The following NIBAN1 variants were observed in gnomAD, a reference collection of about 807,000 sequenced individuals.
The protein encoded by NIBAN1 is niban apoptosis regulator 1, also known as protein Niban 1.
In NIBAN1, 81 loss-of-function variants were observed where a neutral mutation model predicts 75.1. The ratio of observed to expected loss-of-function variants is 1.08; its 90% confidence interval spans 0.90 to 1.30. The LOEUF (loss-of-function observed/expected upper bound fraction) is 1.30, where lower values mean the gene tolerates loss of function less well. Ranked by LOEUF, NIBAN1 falls within the 50% of genes most tolerant of loss-of-function variation. The probability of loss-of-function intolerance (pLI) is 0.00; values close to 1 mark genes in which losing one functional copy is unlikely to be tolerated. For synonymous variants in NIBAN1, 436 were observed against 424.8 expected, an observed-to-expected ratio of 1.03 and a Z score of -0.32; for missense variants, 1,133 against 1,128.1, an observed-to-expected ratio of 1.00 and a Z score of -0.06.
chr1:184,843,210 G>A (rs2102254188), intron 5 of NIBAN1, among the ~76,000 whole-genome samples: 1 of 152,328 alleles, frequency 6.6e-6, no homozygotes, highest in East Asian at 1.9e-4. Context: ...CCCTTCGGAA[G>A]CAGTCATCAT....
chr1:184,897,429 C>A (rs750291655), intron 2 of NIBAN1, among the ~76,000 whole-genome samples: 1 of 151,994 alleles, frequency 6.6e-6, no homozygotes, highest in South Asian at 2.1e-4. Context: ...ACTCCATAGA[C>A]CGTTTCTTCT....
chr1:184,917,702 G>T (rs1557913805), intron 1 of NIBAN1, among the ~76,000 whole-genome samples: 1 of 151,098 alleles, frequency 6.6e-6, no homozygotes, highest in Non-Finnish European at 1.5e-5. Flanking sequence ...TCAAAAGGAA[G>T]ACCCCCCCAA....
At chr1:184,928,932 G>A (rs1404598726) in intron 1 of NIBAN1, among the ~76,000 whole-genome samples, 3 of 152,004 alleles carry the variant, frequency 2.0e-5, no homozygotes, top group South Asian at 4.1e-4. Flanking sequence ...TCATTTTCAC[G>A]TGATGCACAC....
At chr1:184,867,319 C>T (rs954436884) in intron 5 of NIBAN1, among the ~76,000 whole-genome samples, 7 of 152,162 alleles carry the variant, frequency 4.6e-5, no homozygotes, top group Non-Finnish European at 1.0e-4. Context: ...AAATATCTCC[C>T]TCTGTGCATG....
intron 5 of NIBAN1, among the ~76,000 whole-genome samples, chr1:184,864,790 C>A (rs1315646479): frequency 6.6e-6 from 1 of 150,932 alleles, no homozygotes; most frequent in African/African-American, 2.4e-5. Flanking sequence ...CATGAATAGA[C>A]AATTCTCAGA....
At chr1:184,809,918 A>G (rs1474386459) in intron 9 of NIBAN1, among the ~76,000 whole-genome samples, 4 of 152,120 alleles carry the variant, frequency 2.6e-5, no homozygotes, top group African/African-American at 9.7e-5. Flanking sequence ...TTTTTCTTAA[A>G]GCAGACAATC....
intron 6 of NIBAN1, among the ~76,000 whole-genome samples, chr1:184,828,424 A>G (rs1654904488): frequency 6.6e-6 from 1 of 152,118 alleles, no homozygotes; most frequent in African/African-American, 2.4e-5. Flanking sequence ...AAAAGATGTC[A>G]TTTTCTCAAA....
chr1:184,833,857 T>C (rs1271884403), intron 5 of NIBAN1, among the ~76,000 whole-genome samples: 1 of 136,676 alleles, frequency 7.3e-6, no homozygotes, highest in Admixed American at 7.1e-5. Flanking sequence ...AAATTTTTTC[T>C]TTTTTTTTTT....
At chr1:184,858,814 T>C (rs1454916625) in intron 5 of NIBAN1, among the ~76,000 whole-genome samples, 1 of 152,170 alleles carries the variant, frequency 6.6e-6, no homozygotes, top group Non-Finnish European at 1.5e-5. Context: ...TTGAATCATG[T>C]AGGGTGCAAA....
intron 10 of NIBAN1, among the ~76,000 whole-genome samples, chr1:184,806,957 A>T (rs1654216390): frequency 6.6e-6 from 1 of 151,992 alleles, no homozygotes; most frequent in Non-Finnish European, 1.5e-5. Context: ...TTTAGTAGAG[A>T]TGGGGTTTCA....
At chr1:184,897,277 A>AGTGTGTGTGT (rs34548568) in intron 2 of NIBAN1, among the ~76,000 whole-genome samples, 38 of 132,682 alleles carry the variant, frequency 2.9e-4, no homozygotes, top group Admixed American at 6.1e-4. Context: ...TGTACTCCTA[A>AGTGTGTGTGT]GTGTGTGTGT....
chr1:184,864,672 A>G (rs1036159535), intron 5 of NIBAN1, among the ~76,000 whole-genome samples: 3 of 152,154 alleles, frequency 2.0e-5, no homozygotes, highest in African/African-American at 7.2e-5. Flanking sequence ...AAAAAATAAT[A>G]TTTTATTCAC....
At chr1:184,819,746 A>T (rs1185892487) in intron 8 of NIBAN1, among the ~76,000 whole-genome samples, 1 of 152,188 alleles carries the variant, frequency 6.6e-6, no homozygotes, top group East Asian at 1.9e-4. Context: ...ACAGAAGCAC[A>T]AGTGGAGCTG....
At chr1:184,966,890 T>G (rs1052038824) in intron 1 of NIBAN1, among the ~76,000 whole-genome samples, 3 of 152,188 alleles carry the variant, frequency 2.0e-5, no homozygotes, top group Admixed American at 2.0e-4. Context: ...TAGTAAAAAC[T>G]ATTAATTTAT....
intron 3 of NIBAN1, among the ~76,000 whole-genome samples, chr1:184,891,430 A>G (rs1305506187): frequency 7.2e-5 from 11 of 152,236 alleles, no homozygotes; most frequent in African/African-American, 2.7e-4. Context: ...TATGATATTA[A>G]GAAGATTTAC....
chr1:184,959,337 C>T (rs1658571329), intron 1 of NIBAN1, among the ~76,000 whole-genome samples: 1 of 152,210 alleles, frequency 6.6e-6, no homozygotes, highest in Admixed American at 6.5e-5. Flanking sequence ...TCATATTGCT[C>T]TTGCCTGAAG....
intron 1 of NIBAN1, among the ~76,000 whole-genome samples, chr1:184,950,274 G>A (rs1269502053): frequency 6.6e-6 from 1 of 152,176 alleles, no homozygotes; most frequent in East Asian, 1.9e-4. Flanking sequence ...GAAGGTGCAC[G>A]ACTTTTTTCC....
chr1:184,858,114 TA>T (rs1166554988), intron 5 of NIBAN1, among the ~76,000 whole-genome samples: 8 of 151,338 alleles, frequency 5.3e-5, no homozygotes, highest in Non-Finnish European at 7.4e-5. Context: ...TAAAGGTTAA[TA>T]ATAACATAAT....
At chr1:184,950,529 C>T (rs1658334936) in intron 1 of NIBAN1, among the ~76,000 whole-genome samples, 1 of 152,084 alleles carries the variant, frequency 6.6e-6, no homozygotes, top group Admixed American at 6.6e-5. Flanking sequence ...ATGAAATGTA[C>T]CCAAGAACAA....
Sources: allele counts gnomAD v4.1 joint callset (sites outside exome capture counted in the v4.1 genomes callset), GRCh38; gene constraint gnomAD v4.1.1; transcripts MANE v1.5; gene names NCBI Gene and HGNC (gene_info 2026-07-23, HGNC 2026-07-21).